Variants in CEP112 observed in about 807,000 individuals in gnomAD.
CEP112 encodes the protein centrosomal protein of 112 kDa.
In CEP112, 127 loss-of-function variants were observed where a neutral mutation model predicts 153.0. The observed-to-expected ratio is 0.83, with a 90% confidence interval of 0.72 to 0.96. The LOEUF is 0.96. Ranked by LOEUF, CEP112 falls within the 40% of genes least tolerant of loss-of-function variation. The probability of loss-of-function intolerance (pLI) is 0.00; values close to 1 mark genes in which losing one functional copy is unlikely to be tolerated. For synonymous variants in CEP112, 358 were observed against 374.4 expected (o/e 0.96, Z 0.51); for missense variants, 1,089 against 1,101.2 (o/e 0.99, Z 0.16).
At chr17:66,009,131 A>C (rs1040082666) in intron 16 of CEP112, among the ~76,000 whole-genome samples, 1 of 151,720 alleles carries the variant, frequency 6.6e-6, no homozygotes, top group Non-Finnish European at 1.5e-5. Context: ...TGACATTCCC[A>C]CCAACAGAGT....
At chr17:66,024,647 T>C (rs2065127253) in intron 16 of CEP112, among the ~76,000 whole-genome samples, 1 of 152,044 alleles carries the variant, frequency 6.6e-6, no homozygotes, top group Non-Finnish European at 1.5e-5. Context: ...AAGTTGTAGA[T>C]GACACAAACA....
intron 23 of CEP112, among the ~76,000 whole-genome samples, chr17:65,710,060 C>T (rs2049098751): frequency 6.6e-6 from 1 of 152,200 alleles, no homozygotes; most frequent in Admixed American, 6.5e-5. Context: ...TCAGAGCCTA[C>T]ATCTTAACAA....
chr17:65,954,817 A>C (rs2061950803), intron 18 of CEP112, among the ~76,000 whole-genome samples: 1 of 152,190 alleles, frequency 6.6e-6, no homozygotes, highest in Admixed American at 6.5e-5. Flanking sequence ...AAGATGAAGA[A>C]AAAAGATTTT....
At chr17:65,870,347 T>C (rs2058632867) in intron 20 of CEP112, among the ~76,000 whole-genome samples, 1 of 152,172 alleles carries the variant, frequency 6.6e-6, no homozygotes. Flanking sequence ...AAAAACTCCA[T>C]AACAATCTGC....
chr17:66,029,299 T>A, intron 13 of CEP112, 47 bp from the exon 14 acceptor site: 1 of 1,533,986 alleles, frequency 6.5e-7, no homozygotes. Context: ...TTAAAACCAA[T>A]CTCTAAAATG....
At chr17:65,673,262 G>C (rs1172830839) in intron 24 of CEP112, among the ~76,000 whole-genome samples, 1 of 152,104 alleles carries the variant, frequency 6.6e-6, no homozygotes, top group African/African-American at 2.4e-5. Context: ...TCCTCATCAT[G>C]TTGTCCTCTC....
intron 21 of CEP112, among the ~76,000 whole-genome samples, chr17:65,766,818 A>G (rs1315276096): frequency 1.3e-5 from 2 of 149,702 alleles, no homozygotes; most frequent in Non-Finnish European, 3.0e-5. Flanking sequence ...GAGGGCATTC[A>G]TCAAGAGGAT....
intron 6 of CEP112, among the ~76,000 whole-genome samples, chr17:66,103,554 C>T (rs1019472162): frequency 1.3e-5 from 2 of 152,114 alleles, no homozygotes; most frequent in African/African-American, 2.4e-5. Context: ...AAGTCAACTG[C>T]GATCAAAGAG....
intron 21 of CEP112, among the ~76,000 whole-genome samples, chr17:65,826,902 G>A (rs543645051): frequency 2.6e-5 from 4 of 152,272 alleles, no homozygotes; most frequent in South Asian, 2.1e-4. Flanking sequence ...TGGCAAAGGA[G>A]ATTAACATTT....
At chr17:66,035,815 C>T (rs2065714731) in intron 12 of CEP112, among the ~76,000 whole-genome samples, 1 of 152,078 alleles carries the variant, frequency 6.6e-6, no homozygotes, top group African/African-American at 2.4e-5. Context: ...AGAAACATAC[C>T]AGGAAAACCA....
At chr17:65,754,902 T>C (rs1423743390) in intron 21 of CEP112, among the ~76,000 whole-genome samples, 1 of 151,968 alleles carries the variant, frequency 6.6e-6, no homozygotes, top group Non-Finnish European at 1.5e-5. Context: ...CATGGACACA[T>C]GGGGGCGGGA....
chr17:66,139,235 A>G (rs567281797), intron 4 of CEP112, among the ~76,000 whole-genome samples: 1 of 152,192 alleles, frequency 6.6e-6, no homozygotes, highest in African/African-American at 2.4e-5. Context: ...GCTACACAGA[A>G]TAAGAAAAAA....
rs2073170797 is a variant in CEP112, at chr17:66,191,706, A to T, written c.-9+291T>A. The T allele has an allele frequency of 6.5e-6, 1 of 152,918 alleles. No individual in the cohort carries two copies. Among genetic ancestry groups the T allele is most frequent in the African/African-American group, 2.4e-5 (1 of 41,472 alleles). The allele number at this position is 152,918 out of a possible 1,614,324, so 9.5% of individuals were successfully genotyped here. On this transcript the variant is annotated intron_variant, in intron 1 of 26. Coordinates refer to ENST00000535342, the MANE Select transcript of CEP112 (RefSeq NM_001199165.4). This position sits in a 1 kb window ranked among gnomAD's most constrained non-coding sequence, Gnocchi z 4.2. ...TCTCCCAGTCGCAAACCCTTGGGTC[A>T]GACTCTTGGACCACGTCAGACCGAT...
intron 21 of CEP112, among the ~76,000 whole-genome samples, chr17:65,776,140 T>C (rs2053662574): frequency 6.6e-6 from 1 of 152,184 alleles, no homozygotes; most frequent in Non-Finnish European, 1.5e-5. Context: ...CGAAAGGACC[T>C]CCCACCTCCA....
rs532592017 is a variant in CEP112 at position 66,004,079 on chromosome 17, T to A, written c.1736+1611A>T. Among the ~76,000 whole-genome samples, 6 of 151,802 alleles carry A rather than the reference T, an allele frequency of 4.0e-5. No homozygotes were observed. The South Asian group carries it at 1.3e-3, about 32-fold the overall frequency. On this transcript the variant is annotated intron_variant, in intron 17 of 26. Transcript: ENST00000535342. ...AAAGTGGAACAAGAGAGAAAAAATATGGTAAATTTCATAAAGTTCATGGAG... is the reference window on the plus strand; with the variant it reads ...AAAGTGGAACAAGAGAGAAAAAATAAGGTAAATTTCATAAAGTTCATGGAG...
intron 4 of CEP112, among the ~76,000 whole-genome samples, chr17:66,156,749 T>C (rs1238553507): frequency 6.6e-6 from 1 of 151,898 alleles, no homozygotes; most frequent in South Asian, 2.1e-4. Flanking sequence ...CAAGTATCAA[T>C]AGCCAAATTG....
chr17:65,754,772 C>T (rs994550721), intron 21 of CEP112, among the ~76,000 whole-genome samples: 14 of 152,084 alleles, frequency 9.2e-5, no homozygotes, highest in Non-Finnish European at 1.9e-4. Context: ...GTAAGGAATT[C>T]GGCTTTTAAG....
intron 23 of CEP112, among the ~76,000 whole-genome samples, chr17:65,738,487 T>C (rs1198528387): frequency 6.6e-6 from 1 of 152,172 alleles, no homozygotes; most frequent in Non-Finnish European, 1.5e-5. Flanking sequence ...AAAAAATCAA[T>C]AGTATTCATT....
At chr17:65,826,316 T>C in intron 21 of CEP112, 1 of 1,613,864 alleles carries the variant, frequency 6.2e-7, no homozygotes, top group Non-Finnish European at 8.5e-7. Context: ...TGACCCCCAT[T>C]AAGATCTCAG....
Sources: allele counts gnomAD v4.1 joint callset (sites outside exome capture counted in the v4.1 genomes callset), GRCh38; gene constraint gnomAD v4.1.1; non-coding constraint Gnocchi (gnomAD v3.1); transcripts MANE v1.5; gene names NCBI Gene and HGNC (gene_info 2026-07-23, HGNC 2026-07-21).